Variants in CYLD observed in about 807,000 individuals in gnomAD.
CYLD encodes the protein CYLD lysine 63 deubiquitinase, also known as ubiquitin carboxyl-terminal hydrolase CYLD.
Under a neutral mutation model 104.5 loss-of-function variants are expected in CYLD, and 26 were observed. The ratio of observed to expected loss-of-function variants is 0.25; its 90% CI spans 0.18 to 0.35. The LOEUF (loss-of-function observed/expected upper bound fraction) is 0.35. CYLD is among the 10% of genes least tolerant of loss of function. The pLI is 1.00. For missense variants in CYLD, 703 were observed against 1,136.1 expected, an observed-to-expected ratio of 0.62 and a Z score of 5.48; for synonymous variants, 385 against 399.9, an observed-to-expected ratio of 0.96 and a Z score of 0.45.
intron 5 of CYLD, among the ~76,000 whole-genome samples, chr16:50,765,378 A>G (rs1968388412): frequency 6.6e-6 from 1 of 152,172 alleles, no homozygotes; most frequent in Non-Finnish European, 1.5e-5. Flanking sequence ...TAAGATGACA[A>G]ACTCCACTGA....
chr16:50,794,150 A>G lies in CYLD; in HGVS notation c.2470-62A>G. On this transcript the variant is annotated intron_variant, in intron 17 of 18. Coordinates refer to ENST00000427738, the MANE Select transcript of CYLD (RefSeq NM_001378743.1). The surrounding 1 kb of genome is among the most constrained non-coding windows in gnomAD (Gnocchi z 4.1). The stretch of plus-strand genomic sequence containing the variant: ...ACCATCTTGATCAGGCTGGTCTTGA[A>G]CTCCTGACCTCGTGATCCACCAGCC... 1 of 1,453,546 alleles carries G rather than the reference A, an allele frequency of 6.9e-7. No homozygotes were observed. The highest frequency in any genetic ancestry group is 1.1e-5 in the South Asian group (1 of 87,568). 90.0% of individuals were successfully genotyped at this position (1,453,546 alleles called of 1,614,324 possible). A position where few individuals can be genotyped will look rare whatever the true frequency, so the allele number is the denominator to read the frequency against.
chr16:50,761,464 C>T (rs1300961231), intron 5 of CYLD, among the ~76,000 whole-genome samples: 2 of 152,292 alleles, frequency 1.3e-5, no homozygotes, highest in East Asian at 1.9e-4. Flanking sequence ...TCTTTCCCTC[C>T]AGCCTCTGCT....
intron 5 of CYLD, among the ~76,000 whole-genome samples, chr16:50,757,575 C>T (rs1203686979): frequency 2.7e-5 from 4 of 150,928 alleles, no homozygotes; most frequent in East Asian, 1.9e-4. Flanking sequence ...CTCGCTTTGT[C>T]GCCCAGGGTG....
At position 50,781,333 on chromosome 16, in the gene CYLD, C is replaced by T; in HGVS notation, c.1606C>T (p.Leu536=). ...CALKKALFVK[L]KSCRPDSRFA... ...CCTGAAGAAGGCGCTGTTTGTGAAA[C>T]TGAAGAGCTGCAGGCCTGACTCTAG... Residue 536 remains leucine (L), a synonymous_variant, in exon 10 of 19, where the codon CTG becomes TTG. Transcript: ENST00000427738. The T allele has an allele frequency of 6.2e-7, 1 of 1,613,914 alleles. No individual in the cohort carries two copies. Among genetic ancestry groups the T allele is most frequent in the Non-Finnish European group, 8.5e-7 (1 of 1,179,884 alleles).
chr16:50,761,748 A>ATCTATCTATCTATCTG (rs767859586), intron 5 of CYLD, among the ~76,000 whole-genome samples: 17 of 151,648 alleles, frequency 1.1e-4, no homozygotes, highest in Non-Finnish European at 1.9e-4. Context: ...ATATCTCTAT[A>ATCTATCTATCTATCTG]TCTATCTATC....
chr16:50,754,696 T>A (rs1966847556), intron 5 of CYLD, among the ~76,000 whole-genome samples: 1 of 150,988 alleles, frequency 6.6e-6, no homozygotes, highest in South Asian at 2.1e-4. Flanking sequence ...CCTCATAGCT[T>A]AGCTCCTACA....
chr16:50,744,343 A>G (rs1965996868), intron 2 of CYLD, among the ~76,000 whole-genome samples: 1 of 152,192 alleles, frequency 6.6e-6, no homozygotes, highest in South Asian at 2.1e-4. Flanking sequence ...TTAGAAATAT[A>G]ACAACTTTGT....
chr16:50,774,739 A>T (rs1969491906), intron 5 of CYLD, among the ~76,000 whole-genome samples: 1 of 152,174 alleles, frequency 6.6e-6, no homozygotes, highest in South Asian at 2.1e-4. Flanking sequence ...TGCAACTTAA[A>T]ACTTACGAAT....
intron 5 of CYLD, among the ~76,000 whole-genome samples, chr16:50,757,056 C>T (rs1176886600): frequency 6.6e-6 from 1 of 152,050 alleles, no homozygotes; most frequent in Admixed American, 6.5e-5. Flanking sequence ...TCTATAAAAG[C>T]TGAATTTTGC....
Position 50,781,240 on chromosome 16 carries a change from T to C in CYLD, c.1519-6T>C, listed in dbSNP as rs1219501803. 6.2e-7 allele frequency: 1 copy of C among 1,613,750 alleles called. No homozygotes were observed. ...TATAATGCATATTGAAGCATTTCTT[T>C]TTCAGGAAGATGAGTGTGCAGGCTG... On this transcript the variant is annotated splice_polypyrimidine_tract_variant and splice_region_variant and intron_variant, in intron 9 of 18. Transcript: ENST00000427738.
chr16:50,750,131 G>T lies in CYLD; in HGVS notation c.433G>T (p.Val145Phe). ...ATCTGGGGAAGAAAAATTTCCTGGAGTTGTACGCTTCAGAGGACCCCTGTT... is the reference window on the plus strand; with the variant it reads ...ATCTGGGGAAGAAAAATTTCCTGGATTTGTACGCTTCAGAGGACCCCTGTT... ...LRSGEEKFPG[V>F]VRFRGPLLAE... The change falls in exon 3 of 19, where the codon GTT becomes TTT. Residue 145 changes from valine (V) to phenylalanine (F), a missense_variant. Physicochemically the swap from Val to Phe is conservative, Grantham distance 50. This residue lies in a region of CYLD where 142 missense variants were observed against 165.1 expected (regional missense o/e 0.86). Transcript: ENST00000427738. 6.2e-7 allele frequency: 1 copy of T among 1,614,106 alleles called. No homozygotes were observed. Among genetic ancestry groups the T allele is most frequent in the Non-Finnish European group, 8.5e-7 (1 of 1,179,988 alleles).
intron 14 of CYLD, among the ~76,000 whole-genome samples, chr16:50,788,466 C>G (rs1276150535): frequency 6.6e-6 from 1 of 152,160 alleles, no homozygotes; most frequent in African/African-American, 2.4e-5. Flanking sequence ...ATACACTTCC[C>G]TAAAAGCTAA....
chr16:50,784,881 A>AGCTAG (rs2151008405), intron 12 of CYLD: 1 of 197,624 alleles, frequency 5.1e-6, no homozygotes, highest in East Asian at 1.4e-4. Flanking sequence ...TTTATAGAAT[A>AGCTAG]GCTAGTGTTT....
chr16:50,748,723 A>G (rs1966398932), intron 2 of CYLD, among the ~76,000 whole-genome samples: 1 of 152,116 alleles, frequency 6.6e-6, no homozygotes, highest in South Asian at 2.1e-4. Context: ...GATATTTGCG[A>G]TTTGAGAAAT....
intron 5 of CYLD, among the ~76,000 whole-genome samples, chr16:50,757,833 G>C (rs1455448018): frequency 1.3e-5 from 2 of 152,126 alleles, no homozygotes; most frequent in Middle Eastern, 3.2e-3. Context: ...ACTGCGCCCG[G>C]CCTAGTTTTT....
chr16:50,786,933 C>T lies in CYLD; in HGVS notation c.2028C>T (p.Thr676=). 1.9e-6 allele frequency: 3 copies of T among 1,613,696 alleles called. No individual in the cohort carries two copies. The highest frequency in any genetic ancestry group is 1.7e-4 in the Middle Eastern group (1 of 6,054). The part of the protein sequence containing the change: ...LEKVEAASGF[T]SEEKDPEEFL... Reference sequence around the variant, plus strand: ...AGGTGGAGGCTGCATCAGGATTTACCTCTGAAGAAAAAGGTGACCATCTTA... The same window carrying T: ...AGGTGGAGGCTGCATCAGGATTTACTTCTGAAGAAAAAGGTGACCATCTTA... The change falls in exon 13 of 19, where the codon ACC becomes ACT. Residue 676 remains threonine (T), a synonymous_variant. Coordinates refer to ENST00000427738, the MANE Select transcript of CYLD (RefSeq NM_001378743.1).
Position 50,779,845 on chromosome 16 carries a change from T to C in CYLD, c.1319T>C (p.Leu440Pro). ...NGSIGHSPLS[L>P]SAQSVMEELN... ...AGTATTGGCCACAGTCCACTTTCTCTGTCAGCCCAGTCTGTAATGGAAGAG... is the reference window on the plus strand; with the variant it reads ...AGTATTGGCCACAGTCCACTTTCTCCGTCAGCCCAGTCTGTAATGGAAGAG... Residue 440 changes from leucine to proline, a missense_variant, in exon 9 of 19, where the codon CTG becomes CCG. Physicochemically the swap from Leu to Pro is moderately conservative, Grantham distance 98. Coordinates refer to ENST00000427738, the MANE Select transcript of CYLD (RefSeq NM_001378743.1). The C allele has an allele frequency of 6.2e-7, 1 of 1,613,868 alleles. No homozygotes were observed. Among genetic ancestry groups the C allele is most frequent in the African/African-American group, 1.3e-5 (1 of 74,948 alleles).
At position 50,796,478 on chromosome 16, in the gene CYLD, C is replaced by T; in HGVS notation, c.2841C>T (p.Tyr947=). Residue 947 remains tyrosine, a synonymous_variant, in exon 19 of 19, where the codon TAC becomes TAT. Transcript: ENST00000427738. The part of the protein sequence containing the change: ...RLLCDAYMCM[Y]QSPTMSLYK ...TTTGTGATGCATATATGTGCATGTA[C>T]CAGAGTCCAACAATGAGTTTGTACA... 6.2e-7 allele frequency: 1 copy of T among 1,613,674 alleles called. No individual in the cohort carries two copies. Among genetic ancestry groups the T allele is most frequent in the East Asian group, 2.2e-5 (1 of 44,860 alleles).
Position 50,794,172 on chromosome 16 carries a change from A to C in CYLD, c.2470-40A>C. On this transcript the variant is annotated intron_variant, in intron 17 of 18. Transcript: ENST00000427738. The surrounding 1 kb of genome is among the most constrained non-coding windows in gnomAD (Gnocchi z 4.1). The stretch of plus-strand genomic sequence containing the variant: ...TGAACTCCTGACCTCGTGATCCACC[A>C]GCCTCGGCCTAATGACATTCTTTTC... 6.5e-6 allele frequency: 10 copies of C among 1,537,066 alleles called. No homozygotes were observed. Among genetic ancestry groups the C allele is most frequent in the Non-Finnish European group, 9.0e-6 (10 of 1,111,008 alleles).
Sources: gnomAD v4.1 joint callset for allele counts (sites outside exome capture counted in the v4.1 genomes callset) on GRCh38, gnomAD v4.1.1 for gene constraint, gnomAD v4.1.1 regional missense constraint, Gnocchi (gnomAD v3.1) non-coding constraint, MANE v1.5 for transcripts, NCBI Gene and HGNC (gene_info 2026-07-23, HGNC 2026-07-21) for gene names.